PEX1: variants seen among roughly 807,000 people sequenced by gnomAD.
PEX1 encodes the protein peroxisomal ATPase PEX1.
In PEX1, 97 loss-of-function variants were observed where a neutral mutation model predicts 152.5. The observed-to-expected ratio is 0.64, with a 90% CI of 0.54 to 0.75. The LOEUF is 0.75. Ranked by LOEUF, PEX1 falls within the 30% of genes least tolerant of loss-of-function variation. The probability of loss-of-function intolerance (pLI) is 0.00; values close to 1 mark genes in which losing one functional copy is unlikely to be tolerated. For synonymous variants in PEX1, 485 were observed against 531.6 expected (o/e 0.91, Z 1.21); for missense variants, 1,357 against 1,516.3 (o/e 0.89, Z 1.74).
At position 92,519,059 on chromosome 7, in the gene PEX1, G is replaced by T; in HGVS notation, c.293C>A (p.Ser98Tyr). The change falls in exon 3 of 24, where the codon TCC (serine) becomes TAC (tyrosine). Residue 98 changes from serine to tyrosine, a missense_variant. Physicochemically the swap from Ser to Tyr is moderately radical, Grantham distance 144 (BLOSUM62 -2). Coordinates refer to ENST00000248633, the MANE Select transcript of PEX1 (RefSeq NM_000466.3). ...AACTTGTTGACAAGATACCACATGG[G>T]AACATGGCTTGAGAAATACCTAGAA... Reference protein sequence around the residue: ...NGGQVFLKPCSHVVSCQQVEV... With the variant: ...NGGQVFLKPCYHVVSCQQVEV... 1 of 1,606,372 alleles carries T rather than the reference G, an allele frequency of 6.2e-7. No homozygotes were observed. The highest frequency in any genetic ancestry group is 8.5e-7 in the Non-Finnish European group (1 of 1,173,362).
rs757305859 is a variant in PEX1, at chr7:92,496,752, A to G, written c.2744T>C (p.Ile915Thr). The change falls in exon 17 of 24, where the codon ATT becomes ACT. Residue 915 changes from isoleucine (I) to threonine (T), a missense_variant. By Grantham distance (89) the Ile-to-Thr change is moderately conservative (BLOSUM62 -1). Coordinates refer to ENST00000248633, the MANE Select transcript of PEX1 (RefSeq NM_000466.3). ...CCGAACAGCTTGTTCACTTGCTCCA[A>G]TGTATTTGCTGAGTAACTCTGGCCC... is the stretch of plus-strand genomic sequence containing the variant. ...VKGPELLSKY[I>T]GASEQAVRDI... The G allele has an allele frequency of 1.1e-5, 17 of 1,610,138 alleles. No individual in the cohort carries two copies. Among genetic ancestry groups the G allele is most frequent in the Middle Eastern group, 1.7e-4 (1 of 6,048 alleles).
intron 5 of PEX1, among the ~76,000 whole-genome samples, chr7:92,516,949 C>T (rs940588426): frequency 1.3e-5 from 2 of 152,186 alleles, no homozygotes; most frequent in Admixed American, 1.3e-4. Flanking sequence ...TAGGGCACTC[C>T]ATCCTGATGA....
In PEX1 at chr7:92,493,144, A is replaced by G; in HGVS notation, c.3031-15T>C. ...AGACGTGACACCTGAAAGGAGAAAA[A>G]TTTATTTAACAAATAAAAAATAAAA... On this transcript the variant is annotated splice_polypyrimidine_tract_variant and intron_variant, in intron 19 of 23. Transcript: ENST00000248633. 11 of 1,448,914 alleles carry G rather than the reference A, an allele frequency of 7.6e-6. No individual in the cohort carries two copies. The highest frequency in any genetic ancestry group is 1.1e-5 in the Non-Finnish European group (11 of 1,042,178). 89.8% of individuals were successfully genotyped at this position (1,448,914 alleles called of 1,614,324 possible).
chr7:92,514,125 A>G (rs552394384), intron 5 of PEX1, among the ~76,000 whole-genome samples, 158 bp from the exon 6 acceptor site: 3 of 152,350 alleles, frequency 2.0e-5, no homozygotes, highest in African/African-American at 4.8e-5. Flanking sequence ...GCAGGCTGCT[A>G]TATCAAAATA....
intron 20 of PEX1, among the ~76,000 whole-genome samples, chr7:92,492,533 T>A (rs902009802): frequency 1.3e-5 from 2 of 152,128 alleles, no homozygotes; most frequent in Admixed American, 1.3e-4. Context: ...GTCATAAAGA[T>A]ACAGGAGCCA....
rs187496110 is a variant in PEX1 at position 92,503,482 on chromosome 7, G to A, written c.2072-287C>T. Among the ~76,000 whole-genome samples the A allele has an allele frequency of 1.5e-3, 224 of 152,246 alleles. 1 individual carries two copies. Among genetic ancestry groups the A allele is most frequent in the African/African-American group, 5.0e-3 (209 of 41,542 alleles). The stretch of plus-strand genomic sequence containing the variant: ...TACTCGTGGATCTTATGAAATAAAT[G>A]AACGAATGATAAAAATTTGTCTCTG... On this transcript the variant is annotated intron_variant, in intron 12 of 23. Transcript: ENST00000248633.
At chr7:92,489,691 T>C (rs1490614219) in intron 22 of PEX1, 23 bp downstream of exon 22, 3 of 1,599,606 alleles carry the variant, frequency 1.9e-6, no homozygotes, top group Non-Finnish European at 1.7e-6. Context: ...TTAACAATTA[T>C]AATGAGGGGG....
At chr7:92,510,422 T>A (rs1227335647) in intron 8 of PEX1, among the ~76,000 whole-genome samples, 1 of 151,738 alleles carries the variant, frequency 6.6e-6, no homozygotes, top group African/African-American at 2.4e-5. Context: ...GCCATGATCA[T>A]GCCACTGCAC....
Position 92,518,191 on chromosome 7 carries a change from G to A in PEX1, c.422C>T (p.Ala141Val), listed in dbSNP as rs1792891767. 3 of 1,613,814 alleles carry A rather than the reference G, an allele frequency of 1.9e-6. No individual in the cohort carries two copies. Among genetic ancestry groups the A allele is most frequent in the Middle Eastern group, 3.3e-4 (2 of 6,060 alleles). The change falls in exon 4 of 24, where the codon GCC (alanine) becomes GTC (valine). Residue 141 changes from alanine to valine, a missense_variant. Physicochemically the swap from Ala to Val is moderately conservative, Grantham distance 64 (BLOSUM62 0). Coordinates refer to ENST00000248633, the MANE Select transcript of PEX1 (RefSeq NM_000466.3). ...TTGATCAACCCAAACAGGAAAAATG[G>A]CTTTTGGAAAAACTATTCGAATTTG... ...LDQIRIVFPK[A>V]IFPVWVDQQT...
chr7:92,493,818 A>T (rs1305600792), intron 19 of PEX1: 3 of 187,958 alleles, frequency 1.6e-5, no homozygotes, highest in South Asian at 1.1e-4. Flanking sequence ...TTGACTATTC[A>T]TTTGTCTATC....
At chr7:92,503,877 G>T (rs1396786022) in intron 12 of PEX1, among the ~76,000 whole-genome samples, 1 of 152,026 alleles carries the variant, frequency 6.6e-6, no homozygotes, top group Non-Finnish European at 1.5e-5. Flanking sequence ...CAGCTCTTAA[G>T]AACCTTGAAG....
rs546042598 is a variant in PEX1 at position 92,492,841 on chromosome 7, T to C, written c.3207+112A>G. 3.2e-4 allele frequency: 268 copies of C among 831,276 alleles called. 1 individual carries two copies. Among genetic ancestry groups the C allele is most frequent in the Non-Finnish European group, 3.1e-4 (144 of 470,530 alleles). The allele number at this position is 831,276 out of a possible 1,614,324, so 51.5% of individuals were successfully genotyped here. On this transcript the variant is annotated intron_variant, in intron 20 of 23. Transcript: ENST00000248633. ...AACTAAAGGTAAATTTATGTTTCTA[T>C]ACAGTTTTACCAAAGTTGTTTAAAA...
chr7:92,504,205 T>C (rs1792069501), intron 12 of PEX1, among the ~76,000 whole-genome samples: 1 of 151,974 alleles, frequency 6.6e-6, no homozygotes. Flanking sequence ...TAGTGTATGC[T>C]GTCATCTCCT....
chr7:92,511,872 C>G (rs549026926), intron 6 of PEX1, among the ~76,000 whole-genome samples, 169 bp from the exon 7 acceptor site: 2 of 152,334 alleles, frequency 1.3e-5, no homozygotes, highest in Non-Finnish European at 1.5e-5. Flanking sequence ...TTACAGTTAG[C>G]ACAATGAGTG....
intron 23 of PEX1, among the ~76,000 whole-genome samples, chr7:92,488,592 G>A (rs546662312): frequency 1.3e-5 from 2 of 152,206 alleles, no homozygotes; most frequent in Admixed American, 1.3e-4. Flanking sequence ...GTATTTAAAT[G>A]TTCTTGAGGT....
rs1190845213 is a variant in PEX1 at position 92,518,275 on chromosome 7, A to ATT, written c.358-21_358-20insAA. 4.3e-6 allele frequency: 6 copies of ATT among 1,402,730 alleles called. No homozygotes were observed. The African/African-American group carries it at 7.1e-5, about 17-fold the overall frequency. 86.9% of individuals were successfully genotyped at this position (1,402,730 alleles called of 1,614,324 possible). A position where few individuals can be genotyped will look rare whatever the true frequency, so the allele number is the denominator to read the frequency against. On this transcript the variant is annotated intron_variant, in intron 3 of 23. Coordinates refer to ENST00000248633, the MANE Select transcript of PEX1 (RefSeq NM_000466.3). Reference sequence around the variant, plus strand: ...CAGCTCCTAGAACCAACAGACGAAAAGATCAATTCACTTTACATTTTGTCC... The same window carrying ATT: ...CAGCTCCTAGAACCAACAGACGAAAATTGATCAATTCACTTTACATTTTGTCC...
chr7:92,517,374 C>A lies in PEX1; in HGVS notation c.1141G>T (p.Ala381Ser), dbSNP rs540780825. 15 of 1,613,316 alleles carry A rather than the reference C, an allele frequency of 9.3e-6. No individual in the cohort carries two copies. Among genetic ancestry groups the A allele is most frequent in the Middle Eastern group, 1.6e-4 (1 of 6,062 alleles). Reference sequence around the variant, plus strand: ...TTCCAGACTACTTGTAGCACACAGGCCTTCTCATCTTCTTCATTATGATCT... The same window carrying A: ...TTCCAGACTACTTGTAGCACACAGGACTTCTCATCTTCTTCATTATGATCT... ...RSDHNEEDEK[A>S]CVLQVVWNGL... The change falls in exon 5 of 24, where the codon GCC (alanine) becomes TCC (serine). Residue 381 changes from alanine (A) to serine (S), a missense_variant. Transcript: ENST00000248633.
Position 92,506,253 on chromosome 7 carries a change from A to G in PEX1, c.1895T>C (p.Leu632Ser). ...GAGTGTTACCATACTCATACCTCGTAAAGCTTTACAGTCAACTCTCTCCAC... is the reference window on the plus strand; with the variant it reads ...GAGTGTTACCATACTCATACCTCGTGAAGCTTTACAGTCAACTCTCTCCAC... Reference protein sequence around the residue: ...AHVERVDCKALRGKRLENIQK... With the variant: ...AHVERVDCKASRGKRLENIQK... The change falls in exon 11 of 24, where the codon TTA (leucine) becomes TCA (serine). Residue 632 changes from leucine to serine, a missense_variant. Physicochemically the swap from Leu to Ser is moderately radical, Grantham distance 145. Transcript: ENST00000248633. The G allele has an allele frequency of 6.4e-7, 1 of 1,567,416 alleles. No homozygotes were observed. The highest frequency in any genetic ancestry group is 2.2e-5 in the East Asian group (1 of 44,616).
chr7:92,513,842 A>G lies in PEX1; in HGVS notation c.1359+6T>C. On this transcript the variant is annotated splice_donor_region_variant and intron_variant, in intron 6 of 23. Coordinates refer to ENST00000248633, the MANE Select transcript of PEX1 (RefSeq NM_000466.3). ...ATTTTGATGTAACATATATATTTGA[A>G]CTCACTAAATTCTCTCTAGGTTGTA... 6.3e-7 allele frequency: 1 copy of G among 1,593,628 alleles called. No homozygotes were observed. Among genetic ancestry groups the G allele is most frequent in the African/African-American group, 1.3e-5 (1 of 74,656 alleles).
Sources: allele counts gnomAD v4.1 joint callset (sites outside exome capture counted in the v4.1 genomes callset), GRCh38; gene constraint gnomAD v4.1.1; transcripts MANE v1.5; gene names NCBI Gene and HGNC (gene_info 2026-07-23, HGNC 2026-07-21).